Variants in CNTD1 observed in about 807,000 individuals in gnomAD.
CNTD1 encodes the protein cyclin N-terminal domain containing 1.
A neutral mutation model predicts 36.3 loss-of-function variants in CNTD1; 17 were observed. The observed-to-expected ratio is 0.47, with a 90% CI of 0.32 to 0.70. The LOEUF (loss-of-function observed/expected upper bound fraction) is 0.70, where lower values mean the gene tolerates loss of function less well. Among genes scored for constraint, CNTD1 ranks in the 30% least tolerant of loss-of-function variants. The pLI, the probability that CNTD1 is intolerant of heterozygous loss-of-function variation, is 0.03. For synonymous variants in CNTD1, 128 were observed against 153.3 expected (o/e 0.83, Z 1.22); for missense variants, 338 against 386.1 (o/e 0.88, Z 1.04).
chr17:42,803,455 G>T (rs765409261), intron 1 of CNTD1, among the ~76,000 whole-genome samples, 165 bp from the exon 2 acceptor site: 2 of 152,160 alleles, frequency 1.3e-5, no homozygotes, highest in Non-Finnish European at 1.5e-5. Context: ...TCTGCCTATT[G>T]GCAGCAAAAG....
chr17:42,800,972 G>A (rs974552751), intron 1 of CNTD1, among the ~76,000 whole-genome samples: 45 of 152,136 alleles, frequency 3.0e-4, no homozygotes, highest in Admixed American at 5.9e-4. Flanking sequence ...GGATCACGAG[G>A]TCAGGGGTTC....
chr17:42,808,199 C>G (rs576952503), intron 6 of CNTD1, among the ~76,000 whole-genome samples: 1 of 152,164 alleles, frequency 6.6e-6, no homozygotes, highest in South Asian at 2.1e-4. Context: ...TGTTTGAGCC[C>G]AGGAGTTCAA....
chr17:42,800,638 A>C (rs1439466704), intron 1 of CNTD1, among the ~76,000 whole-genome samples: 2 of 152,132 alleles, frequency 1.3e-5, no homozygotes, highest in Non-Finnish European at 2.9e-5. Flanking sequence ...AGTAAACATT[A>C]TTTTGGCAGT....
At chr17:42,806,175 C>T (rs1226436607) in intron 4 of CNTD1, among the ~76,000 whole-genome samples, 1 of 151,764 alleles carries the variant, frequency 6.6e-6, no homozygotes, top group Admixed American at 6.6e-5. Flanking sequence ...TTGCAGTGAG[C>T]CGAGATCATG....
At chr17:42,801,506 A>T (rs1365822956) in intron 1 of CNTD1, among the ~76,000 whole-genome samples, 23 of 52,700 alleles carry the variant, frequency 4.4e-4, no homozygotes, top group Non-Finnish European at 5.8e-4. Flanking sequence ...AAAAAAAAAA[A>T]AAAAATATAT....
chr17:42,810,829 A>C lies in CNTD1; in HGVS notation c.*1294A>C, dbSNP rs760151679. On this transcript the variant is annotated 3_prime_UTR_variant, in exon 7 of 7. Coordinates refer to ENST00000588408, the MANE Select transcript of CNTD1 (RefSeq NM_173478.3). Reference sequence around the variant, plus strand: ...TAAGATTCGTCAGCATGAACTTGAGAGCTTTTGTCCACTGCTCCTCAGAGT... The same window carrying C: ...TAAGATTCGTCAGCATGAACTTGAGCGCTTTTGTCCACTGCTCCTCAGAGT... 6.2e-7 allele frequency: 1 copy of C among 1,613,620 alleles called. No homozygotes were observed. Among genetic ancestry groups the C allele is most frequent in the South Asian group, 1.1e-5 (1 of 90,918 alleles).
At position 42,810,590 on chromosome 17, in the gene CNTD1, G is replaced by C; in HGVS notation, c.*1055G>C. ...CTATAGATGGCATGTTGTAGCTCTG[G>C]AAAGTATCTGTCACATGATATTTTA... On this transcript the variant is annotated 3_prime_UTR_variant, in exon 7 of 7. Coordinates refer to ENST00000588408, the MANE Select transcript of CNTD1 (RefSeq NM_173478.3). The C allele has an allele frequency of 1.5e-6, 1 of 658,420 alleles. No individual in the cohort carries two copies. The highest frequency in any genetic ancestry group is 3.2e-5 in the East Asian group (1 of 31,282). 40.8% of individuals were successfully genotyped at this position (658,420 alleles called of 1,614,324 possible).
In CNTD1 at chr17:42,799,013, G is replaced by A; in HGVS notation, c.-55G>A. 1 of 1,594,166 alleles carries A rather than the reference G, an allele frequency of 6.3e-7. No individual in the cohort carries two copies. The highest frequency in any genetic ancestry group is 1.7e-4 in the Middle Eastern group (1 of 5,972). ...GCAGAAGACTGGAGAGGAGCTAAGGGGGTCGGTATGTGGATCCAGTGAACC... is the reference window on the plus strand; with the variant it reads ...GCAGAAGACTGGAGAGGAGCTAAGGAGGTCGGTATGTGGATCCAGTGAACC... On this transcript the variant is annotated 5_prime_UTR_variant, in exon 1 of 7. Coordinates refer to ENST00000588408, the MANE Select transcript of CNTD1 (RefSeq NM_173478.3).
rs565741157 is a variant in CNTD1 at position 42,800,522 on chromosome 17, G to A, written c.169+1286G>A. On this transcript the variant is annotated intron_variant, in intron 1 of 6. Coordinates refer to ENST00000588408, the MANE Select transcript of CNTD1 (RefSeq NM_173478.3). ...TCCATGTGGAAGTTTGAATGCCAAGGGGAAGAGTTTATCCTTGGTTTGGTA... is the reference window on the plus strand; with the variant it reads ...TCCATGTGGAAGTTTGAATGCCAAGAGGAAGAGTTTATCCTTGGTTTGGTA... Among the ~76,000 whole-genome samples the A allele has an allele frequency of 7.2e-5, 11 of 152,260 alleles. No individual in the cohort carries two copies. The South Asian group carries it at 2.3e-3, about 32-fold the overall frequency.
intron 1 of CNTD1, among the ~76,000 whole-genome samples, chr17:42,800,069 T>TAAAAAAAAAAA (rs769118587): frequency 1.6e-5 from 1 of 63,954 alleles, no homozygotes; most frequent in Non-Finnish European, 3.0e-5. Flanking sequence ...AGACTCTGTC[T>TAAAAAAAAAAA]AAAAAAAAAA....
At chr17:42,805,589 T>G in intron 3 of CNTD1, 133 bp from the exon 4 acceptor site, 1 of 734,526 alleles carries the variant, frequency 1.4e-6, no homozygotes, top group South Asian at 1.9e-5. Context: ...ACAAGCAGAG[T>G]GTGAGGGGGA....
intron 6 of CNTD1, among the ~76,000 whole-genome samples, chr17:42,808,222 C>G (rs1170923154): frequency 6.6e-6 from 1 of 152,098 alleles, no homozygotes; most frequent in African/African-American, 2.4e-5. Flanking sequence ...CCAGCCTGGT[C>G]AACACAGCAA....
rs199570963 is a variant in CNTD1 at position 42,806,758 on chromosome 17, C to T, written c.665C>T (p.Pro222Leu). 2 of 1,614,114 alleles carry T rather than the reference C, an allele frequency of 1.2e-6. No individual in the cohort carries two copies. Among genetic ancestry groups the T allele is most frequent in the Non-Finnish European group, 1.7e-6 (2 of 1,180,018 alleles). Residue 222 changes from proline (P) to leucine (L), a missense_variant, in exon 5 of 7, where the codon CCC becomes CTC. Pro to Leu is a moderately conservative substitution (Grantham distance 98, BLOSUM62 -3). Transcript: ENST00000588408. ...LLDLVYLLHEPIYESLLRASI... is the reference protein window; with the variant it reads ...LLDLVYLLHELIYESLLRASI... ...GACCTGGTCTATCTTCTGCATGAAC[C>T]CATATATGAGAGCCTGTTGAGGGCT...
At chr17:42,801,856 A>G (rs2054801957) in intron 1 of CNTD1, among the ~76,000 whole-genome samples, 1 of 151,984 alleles carries the variant, frequency 6.6e-6, no homozygotes, top group African/African-American at 2.4e-5. Context: ...AAATAAAAGG[A>G]GGAGATAGGA....
Position 42,809,720 on chromosome 17 carries a change from A to G in CNTD1, c.*185A>G, listed in dbSNP as rs2054953168. 4 of 552,430 alleles carry G rather than the reference A, an allele frequency of 7.2e-6. No homozygotes were observed. The highest frequency in any genetic ancestry group is 6.1e-5 in the East Asian group (2 of 32,686). The allele number at this position is 552,430 out of a possible 1,614,324, so 34.2% of individuals were successfully genotyped here. A position where few individuals can be genotyped will look rare whatever the true frequency, so the allele number is the denominator to read the frequency against. Reference sequence around the variant, plus strand: ...GGTGGACGAGCATGCCCTTTTTGTCATATCAGCCTGAAAATGTTAAAAAGC... The same window carrying G: ...GGTGGACGAGCATGCCCTTTTTGTCGTATCAGCCTGAAAATGTTAAAAAGC... On this transcript the variant is annotated 3_prime_UTR_variant, in exon 7 of 7. Transcript: ENST00000588408.
rs756115459 is a variant in CNTD1, at chr17:42,806,879, A to T, written c.725+61A>T. 196 of 1,532,790 alleles carry T rather than the reference A, an allele frequency of 1.3e-4. 2 individuals are homozygous for T. Among genetic ancestry groups the T allele is most frequent in the South Asian group, 8.4e-4 (74 of 87,854 alleles). 94.9% of individuals were successfully genotyped at this position (1,532,790 alleles called of 1,614,324 possible). A position where few individuals can be genotyped will look rare whatever the true frequency, so the allele number is the denominator to read the frequency against. The stretch of plus-strand genomic sequence containing the variant: ...AACAGGGAAGGGGAGACAGACCACA[A>T]GAACTTGGGGAATGGAATTAGCCTA... On this transcript the variant is annotated intron_variant, in intron 5 of 6. Coordinates refer to ENST00000588408, the MANE Select transcript of CNTD1 (RefSeq NM_173478.3).
intron 1 of CNTD1, among the ~76,000 whole-genome samples, chr17:42,799,933 G>A (rs1284275094): frequency 3.3e-5 from 5 of 151,126 alleles, no homozygotes; most frequent in Non-Finnish European, 5.9e-5. Context: ...GTGTGGTGGC[G>A]GGCGCCTGTA....
chr17:42,800,298 A>G (rs2054758570), intron 1 of CNTD1, among the ~76,000 whole-genome samples: 1 of 152,122 alleles, frequency 6.6e-6, no homozygotes, highest in African/African-American at 2.4e-5. Flanking sequence ...GGGACATTTC[A>G]GGCAGACCTT....
chr17:42,811,058 G>T lies in CNTD1; in HGVS notation c.*1523G>T. Reference sequence around the variant, plus strand: ...AGAACACTTGGTGAGGAATGATAGTGTATTTTGGATTTGCTTGAAAGCCAA... The same window carrying T: ...AGAACACTTGGTGAGGAATGATAGTTTATTTTGGATTTGCTTGAAAGCCAA... On this transcript the variant is annotated 3_prime_UTR_variant, in exon 7 of 7. Coordinates refer to ENST00000588408, the MANE Select transcript of CNTD1 (RefSeq NM_173478.3). 1 of 1,030,826 alleles carries T rather than the reference G, an allele frequency of 9.7e-7. No individual in the cohort carries two copies. Among genetic ancestry groups the T allele is most frequent in the Non-Finnish European group, 1.3e-6 (1 of 749,030 alleles). The allele number at this position is 1,030,826 out of a possible 1,614,324, so 63.9% of individuals were successfully genotyped here. A position where few individuals can be genotyped will look rare whatever the true frequency, so the allele number is the denominator to read the frequency against.
Sources: gnomAD v4.1 joint callset for allele counts (sites outside exome capture counted in the v4.1 genomes callset) on GRCh38, gnomAD v4.1.1 for gene constraint, MANE v1.5 for transcripts, NCBI Gene and HGNC (gene_info 2026-07-23, HGNC 2026-07-21) for gene names.